The following OXA1L variants were observed in gnomAD, a reference collection of about 807,000 sequenced individuals.
OXA1L encodes OXA1L mitochondrial inner membrane insertase.
In OXA1L, 42 loss-of-function variants were observed where a neutral mutation model predicts 52.2. The ratio of observed to expected loss-of-function variants is 0.80; its 90% CI spans 0.63 to 1.04. The LOEUF is 1.04. OXA1L is among the 50% of genes least tolerant of loss of function. The pLI is 0.00. For synonymous variants in OXA1L, 239 were observed against 201.9 expected, an observed-to-expected ratio of 1.18 and a Z score of -1.56; for missense variants, 572 against 555.0, an observed-to-expected ratio of 1.03 and a Z score of -0.31.
Position 22,770,644 on chromosome 14 carries a change from A to G in OXA1L, c.834+19A>G. 1 of 1,606,378 alleles carries G rather than the reference A, an allele frequency of 6.2e-7. No homozygotes were observed. Among genetic ancestry groups the G allele is most frequent in the Non-Finnish European group, 8.5e-7 (1 of 1,173,536 alleles). On this transcript the variant is annotated intron_variant, in intron 6 of 9. Coordinates refer to ENST00000612549, the MANE Select transcript of OXA1L (RefSeq NM_005015.5). Reference sequence around the variant, plus strand: ...TCTTGAGGTAAGCCCAGATTGGCCAAGTGCCAGGCCTGCAAAGTGAACTGG... The same window carrying G: ...TCTTGAGGTAAGCCCAGATTGGCCAGGTGCCAGGCCTGCAAAGTGAACTGG...
chr14:22,770,782 T>C (rs1243086931), intron 6 of OXA1L, 23 bp from the exon 7 acceptor site: 2 of 1,608,630 alleles, frequency 1.2e-6, no homozygotes, highest in Non-Finnish European at 1.7e-6. Context: ...TTCCCGACTT[T>C]TCCACCCCAC....
At chr14:22,767,453 T>C in intron 2 of OXA1L, 44 bp downstream of exon 2, 2 of 1,537,148 alleles carry the variant, frequency 1.3e-6, no homozygotes, top group Non-Finnish European at 1.8e-6. Flanking sequence ...TGGTGTTTCC[T>C]GGTTGGTTTC....
chr14:22,770,355 C>A, intron 5 of OXA1L, 77 bp downstream of exon 5: 1 of 1,522,208 alleles, frequency 6.6e-7, no homozygotes, highest in Non-Finnish European at 9.1e-7. Flanking sequence ...TGTCCCAGGT[C>A]CCCCAAAAAA....
At position 22,772,480 on chromosome 14, in the gene OXA1L, C is replaced by G. The variant is rs938900299; in HGVS notation, c.*922C>G. ...CTCCAGCCTGGGCAAGAGAGTGAGA[C>G]TCCTTCTCAAAAAAAAAAAAAAAAA... On this transcript the variant is annotated 3_prime_UTR_variant, in exon 10 of 10. Transcript: ENST00000612549. 9.8e-6 allele frequency: 1 copy of G among 101,526 alleles called. No individual in the cohort carries two copies. Among genetic ancestry groups the G allele is most frequent in the Non-Finnish European group, 1.7e-5 (1 of 57,358 alleles). 6.3% of individuals were successfully genotyped at this position (101,526 alleles called of 1,614,324 possible). A position where few individuals can be genotyped will look rare whatever the true frequency, so the allele number is the denominator to read the frequency against.
chr14:22,770,692 A>G, intron 6 of OXA1L, 67 bp downstream of exon 6: 1 of 1,567,474 alleles, frequency 6.4e-7, no homozygotes, highest in South Asian at 1.1e-5. Context: ...AAGTAGTTGT[A>G]CAGAATGGTC....
At position 22,771,378 on chromosome 14, in the gene OXA1L, C is replaced by G. The variant is rs370919302; in HGVS notation, c.1183+30C>G. 68 of 1,613,658 alleles carry G rather than the reference C, an allele frequency of 4.2e-5. No homozygotes were observed. The African/African-American group carries it at 8.4e-4, about 20-fold the overall frequency. On this transcript the variant is annotated intron_variant, in intron 9 of 9. Transcript: ENST00000612549. ...ATAGTCCTTTCAGGCCAAATTCTGT[C>G]TTTTGTTTCTTCCTTTCTGTTCTTC... is the stretch of plus-strand genomic sequence containing the variant.
intron 1 of OXA1L, 115 bp from the exon 2 acceptor site, chr14:22,767,123 ATGTCCTCCCC>A (rs2038413357): frequency 1.3e-6 from 2 of 1,537,022 alleles, no homozygotes; most frequent in African/African-American, 1.4e-5. Flanking sequence ...GGTGATAGCA[ATGTCCTCCCC>A]TGTAGTGGCC....
In OXA1L at chr14:22,771,157, G is replaced by T. The variant is rs1158328153; in HGVS notation, c.1079G>T (p.Gly360Val). The part of the protein sequence containing the change: ...HDLDKLPPRE[G>V]FLESFKKGWK... ...CTGGACAAATTACCTCCACGGGAAGGCTTCCTAGAGAGCTTCAAAAAAGGT... is the reference window on the plus strand; with the variant it reads ...CTGGACAAATTACCTCCACGGGAAGTCTTCCTAGAGAGCTTCAAAAAAGGT... Residue 360 changes from glycine to valine, a missense_variant, in exon 8 of 10, where the codon GGC becomes GTC. Physicochemically the swap from Gly to Val is moderately radical, Grantham distance 109. This residue lies in a region of OXA1L where 244 missense variants were observed against 240.2 expected (regional missense o/e 1.02). Transcript: ENST00000612549. 3 of 1,614,070 alleles carry T rather than the reference G, an allele frequency of 1.9e-6. No individual in the cohort carries two copies. Among genetic ancestry groups the T allele is most frequent in the African/African-American group, 1.3e-5 (1 of 75,028 alleles).
chr14:22,769,381 G>A (rs2038438246), intron 3 of OXA1L, among the ~76,000 whole-genome samples: 1 of 152,156 alleles, frequency 6.6e-6, no homozygotes, highest in South Asian at 2.1e-4. Context: ...AGATGACTGG[G>A]TTTCATTCTT....
intron 3 of OXA1L, 138 bp downstream of exon 3, chr14:22,768,309 G>C (rs1489273695): frequency 1.5e-6 from 1 of 656,668 alleles, no homozygotes; most frequent in Non-Finnish European, 2.7e-6. Context: ...AGAGGTTCAT[G>C]ATACCTAGAT....
chr14:22,768,172 G>A lies in OXA1L; in HGVS notation c.439+1G>A, dbSNP rs775240093. The A allele has an allele frequency of 1.2e-6, 2 of 1,611,020 alleles. No homozygotes were observed. The highest frequency in any genetic ancestry group is 2.2e-5 in the South Asian group (2 of 91,012). The stretch of plus-strand genomic sequence containing the variant: ...CCTTGGTGGGGGGCCATTGCTGCAT[G>A]TAAGGGGAATATACCCTGGACATGG... On this transcript the variant is annotated splice_donor_variant, in intron 3 of 9. Coordinates refer to ENST00000612549, the MANE Select transcript of OXA1L (RefSeq NM_005015.5). LOFTEE classifies it high-confidence loss of function.
chr14:22,766,708 A>T lies in OXA1L; in HGVS notation c.7A>T (p.Met3Leu), dbSNP rs562492559. Residue 3 changes from methionine to leucine, a missense_variant, in exon 1 of 10, where the codon ATG (methionine) becomes TTG (leucine). Physicochemically the swap from Met to Leu is conservative, Grantham distance 15 (BLOSUM62 2). Around this residue, in one of 5 missense-constraint regions of OXA1L, gnomAD observed 186 missense variants for 151.8 expected, o/e 1.23. Transcript: ENST00000612549. The stretch of plus-strand genomic sequence containing the variant: ...AAGTCCTCTTCCGGGCAAAATGGCG[A>T]TGGGACTAATGTGCGGACGCCGGGA... MAMGLMCGRRELL... is the reference protein window; with the variant it reads MALGLMCGRRELL... 3 of 1,614,246 alleles carry T rather than the reference A, an allele frequency of 1.9e-6. No individual in the cohort carries two copies. In the African/African-American group the frequency reaches 4.0e-5, roughly 22 times the overall value.
chr14:22,771,287 G>T lies in OXA1L; in HGVS notation c.1122G>T (p.Met374Ile). The T allele has an allele frequency of 6.2e-7, 1 of 1,614,152 alleles. No individual in the cohort carries two copies. Among genetic ancestry groups the T allele is most frequent in the South Asian group, 1.1e-5 (1 of 91,052 alleles). ...ACACAGGCTGGAAAAATGCTGAAAT[G>T]ACGCGTCAGCTGCGAGAGCGTGAAC... ...SFKKGWKNAEMTRQLREREQR... is the reference protein window; with the variant it reads ...SFKKGWKNAEITRQLREREQR... Residue 374 changes from methionine (M) to isoleucine (I), a missense_variant, in exon 9 of 10, where the codon ATG (methionine) becomes ATT (isoleucine). Physicochemically the swap from Met to Ile is conservative, Grantham distance 10. This residue lies in a region of OXA1L where 244 missense variants were observed against 240.2 expected (regional missense o/e 1.02). Coordinates refer to ENST00000612549, the MANE Select transcript of OXA1L (RefSeq NM_005015.5).
chr14:22,770,333 C>A, intron 5 of OXA1L, 55 bp downstream of exon 5: 1 of 1,527,094 alleles, frequency 6.5e-7, no homozygotes, highest in Non-Finnish European at 9.1e-7. Context: ...AATTTCCTCT[C>A]TGTGTTTCAT....
Position 22,770,227 on chromosome 14 carries a change from G to A in OXA1L, c.618G>A (p.Gln206=), listed in dbSNP as rs371573207. ...CTTCCTCGGAGATGGCACTTTACCAGAAAAAACATGGTATTAAACTCTATA... is the reference window on the plus strand; with the variant it reads ...CTTCCTCGGAGATGGCACTTTACCAAAAAAAACATGGTATTAAACTCTATA... ...YKASSEMALY[Q]KKHGIKLYKP... Residue 206 remains glutamine, a synonymous_variant, in exon 5 of 10, where the codon CAG becomes CAA. Coordinates refer to ENST00000612549, the MANE Select transcript of OXA1L (RefSeq NM_005015.5). 15 of 1,612,544 alleles carry A rather than the reference G, an allele frequency of 9.3e-6. No homozygotes were observed. In the African/African-American group the frequency reaches 1.9e-4, roughly 20 times the overall value.
At chr14:22,767,500 G>T in intron 2 of OXA1L, 91 bp downstream of exon 2, 1 of 1,156,072 alleles carries the variant, frequency 8.6e-7, no homozygotes, top group East Asian at 2.4e-5. Context: ...GGAATATGGA[G>T]CAGAGTTCTT....
rs749520752 is a variant in OXA1L at position 22,768,159 on chromosome 14, G to A, written c.427G>A (p.Ala143Thr). Residue 143 changes from alanine to threonine, a missense_variant, in exon 3 of 10, where the codon GCC becomes ACC. This residue lies in a region of OXA1L where 132 missense variants were observed against 124.0 expected (regional missense o/e 1.06). Coordinates refer to ENST00000612549, the MANE Select transcript of OXA1L (RefSeq NM_005015.5). ...TGATCTGGGCCTACCTTGGTGGGGG[G>A]CCATTGCTGCATGTAAGGGGAATAT... Reference protein sequence around the residue: ...HVDLGLPWWGAIAACTVFARC... With the variant: ...HVDLGLPWWGTIAACTVFARC... 31 of 1,613,474 alleles carry A rather than the reference G, an allele frequency of 1.9e-5. No homozygotes were observed. The Admixed American group carries it at 2.3e-4, about 12-fold the overall frequency.
At position 22,771,145 on chromosome 14, in the gene OXA1L, C is replaced by A; in HGVS notation, c.1067C>A (p.Pro356His). 1 of 1,614,202 alleles carries A rather than the reference C, an allele frequency of 6.2e-7. No individual in the cohort carries two copies. Among genetic ancestry groups the A allele is most frequent in the Non-Finnish European group, 8.5e-7 (1 of 1,180,026 alleles). Residue 356 changes from proline to histidine, a missense_variant, in exon 8 of 10, where the codon CCT becomes CAT. Around this residue, in one of 5 missense-constraint regions of OXA1L, gnomAD observed 244 missense variants for 240.2 expected, o/e 1.02. Transcript: ENST00000612549. ...QRVVHDLDKLPPREGFLESFK... is the reference protein window; with the variant it reads ...QRVVHDLDKLHPREGFLESFK... ...GTTGTACATGACCTGGACAAATTAC[C>A]TCCACGGGAAGGCTTCCTAGAGAGC...
chr14:22,771,510 C>T lies in OXA1L; in HGVS notation c.1260C>T (p.Ser420=). 3 of 1,614,130 alleles carry T rather than the reference C, an allele frequency of 1.9e-6. No homozygotes were observed. The highest frequency in any genetic ancestry group is 2.5e-6 in the Non-Finnish European group (3 of 1,179,984). The change falls in exon 10 of 10, where the codon AGC becomes AGT. Residue 420 remains serine (S), a synonymous_variant. Coordinates refer to ENST00000612549, the MANE Select transcript of OXA1L (RefSeq NM_005015.5). ...GKDNPPNIPS[S]SSKPKSKYPW... ...ATAACCCTCCCAATATCCCTAGCAGCAGCAGCAAACCAAAGTCAAAGTATC... is the reference window on the plus strand; with the variant it reads ...ATAACCCTCCCAATATCCCTAGCAGTAGCAGCAAACCAAAGTCAAAGTATC...
Sources: gnomAD v4.1 joint callset for allele counts (sites outside exome capture counted in the v4.1 genomes callset) on GRCh38, gnomAD v4.1.1 for gene constraint, gnomAD v4.1.1 regional missense constraint, MANE v1.5 for transcripts, NCBI Gene and HGNC (gene_info 2026-07-23, HGNC 2026-07-21) for gene names.